Variants in TSPAN11 observed in about 807,000 individuals in gnomAD.
TSPAN11 encodes tetraspanin-11.
A neutral mutation model predicts 32.9 loss-of-function variants in TSPAN11; 29 were observed. The observed-to-expected ratio is 0.88, with a 90% CI of 0.66 to 1.20. The LOEUF is 1.20. TSPAN11 is among the 50% of genes most tolerant of loss of function. The pLI, the probability that TSPAN11 is intolerant of heterozygous loss-of-function variation, is 0.00. For missense variants in TSPAN11, 283 were observed against 329.1 expected (o/e 0.86, Z 1.08); for synonymous variants, 140 against 141.3 (o/e 0.99, Z 0.07).
chr12:30,964,152 C>T, intron 3 of TSPAN11, 135 bp downstream of exon 3: 8 of 1,134,856 alleles, frequency 7.0e-6, no homozygotes, highest in Non-Finnish European at 9.8e-6. Context: ...GGGGTGGCTG[C>T]TCCTGGGTCT....
the TSPAN11 span, among the ~76,000 whole-genome samples, chr12:31,014,878 C>T: frequency 1.3e-5 from 2 of 152,146 alleles, no homozygotes; most frequent in Non-Finnish European, 1.5e-5. Flanking sequence ...AAGCCTGTGG[C>T]GCTCATCTGA....
At chr12:30,949,348 T>A (rs11513493) in intron 1 of TSPAN11, among the ~76,000 whole-genome samples, 51,535 of 152,148 alleles carry the variant, frequency 0.34, 10,735 homozygotes, top group Non-Finnish European at 0.46. Flanking sequence ...CTGATAAAGA[T>A]GTACCCGAGA....
At chr12:31,007,693 A>G in the TSPAN11 span, among the ~76,000 whole-genome samples, 2 of 152,206 alleles carry the variant, frequency 1.3e-5, no homozygotes, top group African/African-American at 4.8e-5. Context: ...GCCAGGCCCA[A>G]CATTTAATAA....
Position 30,978,545 on chromosome 12 carries a change from CT to C in TSPAN11, c.277-15del. The stretch of plus-strand genomic sequence containing the variant: ...ACCCGATCCCAGTGGTGACCGTCCT[CT>C]CTCTTTGCTGCTAGTATTTCTGCCT... On this transcript the variant is annotated splice_polypyrimidine_tract_variant and intron_variant, in intron 3 of 7. Transcript: ENST00000546076. 6.2e-7 allele frequency: 1 copy of C among 1,614,116 alleles called. No individual in the cohort carries two copies. The highest frequency in any genetic ancestry group is 8.5e-7 in the Non-Finnish European group (1 of 1,179,926).
At chr12:30,942,999 C>T (rs1023793758) in intron 1 of TSPAN11, among the ~76,000 whole-genome samples, 4 of 152,212 alleles carry the variant, frequency 2.6e-5, no homozygotes, top group Non-Finnish European at 5.9e-5. Context: ...CACTGGCAGC[C>T]ACTGGATCTC....
At chr12:30,928,089 A>G (rs1449037140) in intron 1 of TSPAN11, among the ~76,000 whole-genome samples, 1 of 152,152 alleles carries the variant, frequency 6.6e-6, no homozygotes, top group Non-Finnish European at 1.5e-5. Context: ...TATTCAGCAT[A>G]GCAGGAATTT....
chr12:30,962,161 G>A lies in TSPAN11; in HGVS notation c.85-1665G>A, dbSNP rs546221535. Among the ~76,000 whole-genome samples the A allele has an allele frequency of 5.0e-4, 76 of 152,106 alleles. 1 individual carries two copies. Among genetic ancestry groups the A allele is most frequent in the African/African-American group, 1.5e-3 (61 of 41,386 alleles). On this transcript the variant is annotated intron_variant, in intron 2 of 7. Transcript: ENST00000546076. The stretch of plus-strand genomic sequence containing the variant: ...TGTGAGAGAAAAATGTGTGCATCAC[G>A]GAATTGAAGAAATCTGCGTGATAGC...
rs900509027 is a variant in TSPAN11, at chr12:30,993,226, T to G, written c.*1311T>G. 1 of 152,212 alleles carries G rather than the reference T, an allele frequency of 6.6e-6. No individual in the cohort carries two copies. The highest frequency in any genetic ancestry group is 1.5e-5 in the Non-Finnish European group (1 of 68,074). The allele number at this position is 152,212 out of a possible 1,614,324, so 9.4% of individuals were successfully genotyped here. On this transcript the variant is annotated 3_prime_UTR_variant, in exon 8 of 8. Coordinates refer to ENST00000546076, the MANE Select transcript of TSPAN11 (RefSeq NM_001370302.1). ...TCTCCCCAGAGCGGGACCCTCTTAC[T>G]TCCCCCCATGAAGGGGGGCACCTTG...
downstream of TSPAN11, among the ~76,000 whole-genome samples, chr12:30,998,627 A>AGAGG (rs1187769396): frequency 1.3e-5 from 2 of 152,208 alleles, no homozygotes; most frequent in South Asian, 4.1e-4. Flanking sequence ...CCAGAGGACA[A>AGAGG]GAGGGAAAGA....
the TSPAN11 span, among the ~76,000 whole-genome samples, chr12:31,007,447 T>G: frequency 6.6e-6 from 1 of 151,922 alleles, no homozygotes; most frequent in East Asian, 2.0e-4. Flanking sequence ...TGACCTGGGA[T>G]AGGTCGTCTG....
downstream of TSPAN11, chr12:30,999,059 A>C (rs545871483): frequency 2.0e-5 from 3 of 152,360 alleles, no homozygotes; most frequent in Non-Finnish European, 4.4e-5. Context: ...TCACGTCTGT[A>C]ATCCCAACAC....
chr12:30,949,173 G>A (rs1303020447), intron 1 of TSPAN11, among the ~76,000 whole-genome samples: 1 of 152,134 alleles, frequency 6.6e-6, no homozygotes, highest in Admixed American at 6.5e-5. Flanking sequence ...AAATCTCTAG[G>A]AAGTTCCAAA....
chr12:30,979,427 T>C (rs1939041645), intron 4 of TSPAN11, 139 bp from the exon 5 acceptor site: 1 of 754,028 alleles, frequency 1.3e-6, no homozygotes, highest in South Asian at 1.7e-5. Flanking sequence ...TCCCTTACGC[T>C]GTTGAGAAAC....
At chr12:31,001,875 C>T in the TSPAN11 span, among the ~76,000 whole-genome samples, 21 of 152,100 alleles carry the variant, frequency 1.4e-4, no homozygotes, top group Admixed American at 1.2e-3. Context: ...TCCACGGCTC[C>T]GCTTGTGTGA....
chr12:30,931,930 A>T (rs1592457407), intron 1 of TSPAN11, among the ~76,000 whole-genome samples: 4 of 146,306 alleles, frequency 2.7e-5, no homozygotes, highest in African/African-American at 1.0e-4. Flanking sequence ...TTGAGAATAC[A>T]ATTGTTTATT....
intron 1 of TSPAN11, among the ~76,000 whole-genome samples, chr12:30,946,990 A>G (rs1479068886): frequency 6.6e-6 from 1 of 152,162 alleles, no homozygotes; most frequent in African/African-American, 2.4e-5. Flanking sequence ...GAACAGAAAT[A>G]ACCTACTTAG....
intron 1 of TSPAN11, among the ~76,000 whole-genome samples, chr12:30,927,245 C>G (rs1282164475): frequency 6.6e-6 from 1 of 152,242 alleles, no homozygotes; most frequent in African/African-American, 2.4e-5. Context: ...TTTCAGAGGG[C>G]CTGTCTGCCT....
At chr12:30,974,434 G>A (rs1158409878) in intron 3 of TSPAN11, among the ~76,000 whole-genome samples, 1 of 152,216 alleles carries the variant, frequency 6.6e-6, no homozygotes, top group Non-Finnish European at 1.5e-5. Context: ...AATTGTGCCA[G>A]GTTGAGAACC....
downstream of TSPAN11, among the ~76,000 whole-genome samples, chr12:30,997,774 T>G (rs1939436769): frequency 6.6e-6 from 1 of 152,002 alleles, no homozygotes; most frequent in Admixed American, 6.5e-5. Flanking sequence ...GACAGAGGGC[T>G]GGGGGTGGTC....
Sources: allele counts gnomAD v4.1 joint callset (sites outside exome capture counted in the v4.1 genomes callset), GRCh38; gene constraint gnomAD v4.1.1; transcripts MANE v1.5; gene names NCBI Gene and HGNC (gene_info 2026-07-23, HGNC 2026-07-21).